Variants in RSRC1 observed in about 807,000 individuals in gnomAD.
RSRC1 encodes serine/Arginine-related protein 53.
A neutral mutation model predicts 49.1 loss-of-function variants in RSRC1; 39 were observed. The ratio of observed to expected loss-of-function variants is 0.79; its 90% CI spans 0.61 to 1.04. The LOEUF is 1.04. Ranked by LOEUF, RSRC1 falls within the 50% of genes least tolerant of loss-of-function variation. The probability of loss-of-function intolerance (pLI) is 0.00; values close to 1 mark genes in which losing one functional copy is unlikely to be tolerated. For synonymous variants in RSRC1, 143 were observed against 130.8 expected, an observed-to-expected ratio of 1.09 and a Z score of -0.63; for missense variants, 388 against 402.4, an observed-to-expected ratio of 0.96 and a Z score of 0.31.
intron 3 of RSRC1, among the ~76,000 whole-genome samples, chr3:158,152,643 C>T (rs1717615118): frequency 6.6e-6 from 1 of 152,154 alleles, no homozygotes; most frequent in Non-Finnish European, 1.5e-5. Context: ...TGTTTGATTA[C>T]TCAATGTTTC....
At chr3:158,172,572 G>T (rs1718938547) in intron 3 of RSRC1, among the ~76,000 whole-genome samples, 1 of 152,116 alleles carries the variant, frequency 6.6e-6, no homozygotes, top group Non-Finnish European at 1.5e-5. Context: ...CCTGACAATT[G>T]ATTTAGTTGA....
At chr3:158,225,101 C>G (rs915203782) in intron 4 of RSRC1, among the ~76,000 whole-genome samples, 5 of 151,872 alleles carry the variant, frequency 3.3e-5, no homozygotes, top group Non-Finnish European at 5.9e-5. Flanking sequence ...TTTCCTCTGC[C>G]TCAGTACAAA....
intron 4 of RSRC1, among the ~76,000 whole-genome samples, chr3:158,209,231 G>T (rs1721522639): frequency 1.3e-5 from 2 of 152,132 alleles, no homozygotes; most frequent in South Asian, 4.1e-4. Flanking sequence ...TGGAAGGTGG[G>T]TCTTCCCTCA....
intron 4 of RSRC1, among the ~76,000 whole-genome samples, chr3:158,287,589 T>C (rs1726646825): frequency 1.3e-5 from 2 of 152,186 alleles, no homozygotes; most frequent in Non-Finnish European, 2.9e-5. Context: ...GTTAGCTTAT[T>C]GTTCATCTGT....
rs542975393 is a variant in RSRC1, at chr3:158,273,508, C to T, written c.495-24531C>T. Among the ~76,000 whole-genome samples the T allele has an allele frequency of 2.0e-5, 3 of 152,202 alleles. No homozygotes were observed. The South Asian group carries it at 6.2e-4, about 32-fold the overall frequency. On this transcript the variant is annotated intron_variant, in intron 4 of 9. Coordinates refer to ENST00000611884, the MANE Select transcript of RSRC1 (RefSeq NM_001271838.2). ...ATAAATCTTAATAAAATATGGAACTCACGGATAAATTATCCCCCATTCTAT... is the reference window on the plus strand; with the variant it reads ...ATAAATCTTAATAAAATATGGAACTTACGGATAAATTATCCCCCATTCTAT...
intron 4 of RSRC1, among the ~76,000 whole-genome samples, chr3:158,256,310 C>A (rs762433705): frequency 1.3e-5 from 2 of 152,110 alleles, no homozygotes; most frequent in South Asian, 4.2e-4. Context: ...CAGCACCTCT[C>A]GAGATAATAA....
intron 4 of RSRC1, among the ~76,000 whole-genome samples, chr3:158,228,450 T>C (rs1271993099): frequency 6.6e-6 from 1 of 151,678 alleles, no homozygotes; most frequent in African/African-American, 2.4e-5. Flanking sequence ...CATTGAGAAC[T>C]ACATAGAGTT....
At chr3:158,201,919 T>C (rs1191336240) in intron 3 of RSRC1, among the ~76,000 whole-genome samples, 7 of 152,222 alleles carry the variant, frequency 4.6e-5, no homozygotes, top group African/African-American at 1.7e-4. Context: ...GTGAATATCA[T>C]ATTATGAATA....
At chr3:158,259,469 T>A (rs548783139) in intron 4 of RSRC1, among the ~76,000 whole-genome samples, 1 of 152,238 alleles carries the variant, frequency 6.6e-6, no homozygotes, top group Admixed American at 6.5e-5. Flanking sequence ...GGAACTGGGG[T>A]AAGGGTGACA....
intron 4 of RSRC1, among the ~76,000 whole-genome samples, chr3:158,220,983 T>A (rs1404038673): frequency 6.6e-6 from 1 of 151,600 alleles, no homozygotes. Context: ...GGTTTGATAT[T>A]AAAAGCCATA....
chr3:158,438,819 G>A (rs1365118978), intron 6 of RSRC1, among the ~76,000 whole-genome samples: 2 of 152,170 alleles, frequency 1.3e-5, no homozygotes, highest in Non-Finnish European at 2.9e-5. Flanking sequence ...ATTGACAAAT[G>A]GGATCTAATT....
intron 4 of RSRC1, among the ~76,000 whole-genome samples, chr3:158,226,334 T>C (rs1489721647): frequency 6.6e-6 from 1 of 151,930 alleles, no homozygotes; most frequent in Non-Finnish European, 1.5e-5. Context: ...AATAGGGAGC[T>C]AGCTAGCTGG....
At chr3:158,297,728 A>C (rs956395222) in intron 4 of RSRC1, among the ~76,000 whole-genome samples, 1 of 151,982 alleles carries the variant, frequency 6.6e-6, no homozygotes, top group South Asian at 2.1e-4. Context: ...TAAAATTTCT[A>C]ATAGAAAAGC....
chr3:158,261,259 C>T (rs1489406305), intron 4 of RSRC1, among the ~76,000 whole-genome samples: 1 of 152,144 alleles, frequency 6.6e-6, no homozygotes, highest in Non-Finnish European at 1.5e-5. Context: ...ATTCCACATC[C>T]TCAGCAAAAC....
intron 3 of RSRC1, among the ~76,000 whole-genome samples, chr3:158,164,098 T>C (rs576430977): frequency 3.3e-5 from 5 of 152,310 alleles, no homozygotes; most frequent in Non-Finnish European, 5.9e-5. Context: ...ATTTTACTTA[T>C]AAATTCTCTG....
chr3:158,132,084 A>G (rs761609156), intron 3 of RSRC1: 1 of 437,250 alleles, frequency 2.3e-6, no homozygotes, highest in South Asian at 1.6e-5. Context: ...CCTTCACTCA[A>G]GGTATCCTCC....
rs1491469875 is a variant in RSRC1, at chr3:158,118,462, T to TGTGTGTGTGTGTGTGTGTGTGCGCGC, written c.-2-3640_-2-3639insTGTGTGTGTGTGTGTGTGTGCGCGCG. 6.4e-5 allele frequency among the ~76,000 whole-genome samples: 8 copies of TGTGTGTGTGTGTGTGTGTGTGCGCGC among 124,682 alleles called. 3 individuals carry two copies. Among genetic ancestry groups the TGTGTGTGTGTGTGTGTGTGTGCGCGC allele is most frequent in the East Asian group, 5.3e-4 (2 of 3,790 alleles). The allele number at this position is 124,682 out of a possible 152,430, so 81.8% of individuals were successfully genotyped here. On this transcript the variant is annotated intron_variant, in intron 1 of 9. Coordinates refer to ENST00000611884, the MANE Select transcript of RSRC1 (RefSeq NM_001271838.2). ...GTGTGTGTGTGTGTGTGTGTGTGTG[T>TGTGTGTGTGTGTGTGTGTGTGCGCGC]GCGCGTGCGCGTGGTTTTTTTAAAT...
chr3:158,497,554 A>G (rs1479146899), intron 7 of RSRC1, among the ~76,000 whole-genome samples: 2 of 151,626 alleles, frequency 1.3e-5, no homozygotes, highest in African/African-American at 4.9e-5. Flanking sequence ...CTCCTGCCTC[A>G]GCCTCCCGAG....
At chr3:158,422,372 A>G (rs1173898285) in intron 6 of RSRC1, among the ~76,000 whole-genome samples, 2 of 151,362 alleles carry the variant, frequency 1.3e-5, no homozygotes, top group Admixed American at 6.6e-5. Context: ...GATGATTTCC[A>G]ATTTCATCCA....
Sources: gnomAD v4.1 joint callset for allele counts (sites outside exome capture counted in the v4.1 genomes callset) on GRCh38, gnomAD v4.1.1 for gene constraint, MANE v1.5 for transcripts, NCBI Gene and HGNC (gene_info 2026-07-23, HGNC 2026-07-21) for gene names.